EXD3: variants seen among roughly 807,000 people sequenced by gnomAD.
EXD3 encodes exonuclease 3'-5' domain containing 3.
In EXD3, 92 loss-of-function variants were observed where a neutral mutation model predicts 98.0. That is an observed-to-expected ratio of 0.94 (90% CI 0.79 to 1.12). The LOEUF (loss-of-function observed/expected upper bound fraction) is 1.12. Ranked by LOEUF, EXD3 falls within the 50% of genes most tolerant of loss-of-function variation. The probability of loss-of-function intolerance (pLI) is 0.00; values close to 1 mark genes in which losing one functional copy is unlikely to be tolerated. For missense variants in EXD3, 1,222 were observed against 1,191.6 expected, an observed-to-expected ratio of 1.03 and a Z score of -0.38; for synonymous variants, 569 against 526.0, an observed-to-expected ratio of 1.08 and a Z score of -1.12.
chr9:137,404,782 C>T (rs1307030079), intron 1 of EXD3, among the ~76,000 whole-genome samples: 1 of 152,076 alleles, frequency 6.6e-6, no homozygotes, highest in Non-Finnish European at 1.5e-5. Flanking sequence ...AATGCTTGAA[C>T]CCGGGAGGCA....
At chr9:137,355,346 T>G in intron 8 of EXD3, among the ~76,000 whole-genome samples, 1 of 151,498 alleles carries the variant, frequency 6.6e-6, no homozygotes. Context: ...GTGCCGACCT[T>G]TCAGGGCCCC....
intron 7 of EXD3, among the ~76,000 whole-genome samples, chr9:137,362,730 T>C (rs1588349930): frequency 6.6e-6 from 1 of 152,172 alleles, no homozygotes; most frequent in Non-Finnish European, 1.5e-5. Flanking sequence ...TTGTATATTC[T>C]GGATAACAGT....
chr9:137,396,306 TACG>T (rs1286586151), intron 1 of EXD3, among the ~76,000 whole-genome samples: 1 of 152,202 alleles, frequency 6.6e-6, no homozygotes, highest in Non-Finnish European at 1.5e-5. Flanking sequence ...TATCTACACT[TACG>T]AGGGTCACCC....
At chr9:137,315,644 C>T (rs918312389) in intron 19 of EXD3, among the ~76,000 whole-genome samples, 3 of 152,116 alleles carry the variant, frequency 2.0e-5, no homozygotes, top group Non-Finnish European at 4.4e-5. Flanking sequence ...GACACAAAGC[C>T]CCGTAGTGTG....
At chr9:137,400,703 T>G (rs1190962077) in intron 1 of EXD3, among the ~76,000 whole-genome samples, 1 of 150,810 alleles carries the variant, frequency 6.6e-6, no homozygotes, top group African/African-American at 2.4e-5. Flanking sequence ...AGGTGGAGGT[T>G]GCAATGAGCC....
chr9:137,352,896 C>G, intron 10 of EXD3, 110 bp from the exon 11 acceptor site: 1 of 1,451,560 alleles, frequency 6.9e-7, no homozygotes, highest in Non-Finnish European at 9.0e-7. Context: ...TATGAGCACT[C>G]GGGGAGGAGG....
intron 7 of EXD3, among the ~76,000 whole-genome samples, chr9:137,357,560 C>A (rs1834854332): frequency 6.6e-6 from 1 of 151,990 alleles, no homozygotes; most frequent in African/African-American, 2.4e-5. Flanking sequence ...TCTGAAAGCT[C>A]TTTCTGTGGG....
At chr9:137,328,541 G>A (rs1182468434) in intron 17 of EXD3, among the ~76,000 whole-genome samples, 1 of 150,234 alleles carries the variant, frequency 6.7e-6, no homozygotes, top group Non-Finnish European at 1.5e-5. Flanking sequence ...AAAACCAAAG[G>A]AAACGGGTCA....
At chr9:137,420,265 T>C (rs571039087) in intron 1 of EXD3, among the ~76,000 whole-genome samples, 1 of 152,352 alleles carries the variant, frequency 6.6e-6, no homozygotes, top group Admixed American at 6.5e-5. Flanking sequence ...GCTGACTCTT[T>C]TTATATTTTG....
At chr9:137,370,272 G>T (rs544414150) in intron 5 of EXD3, among the ~76,000 whole-genome samples, 35 of 152,348 alleles carry the variant, frequency 2.3e-4, no homozygotes, top group African/African-American at 8.2e-4. Context: ...GAACTTCCCT[G>T]AGAGGACGGT....
chr9:137,374,691 G>C, intron 3 of EXD3: 1 of 985,574 alleles, frequency 1.0e-6, no homozygotes, highest in Non-Finnish European at 1.2e-6. Context: ...GCAAAGTCCA[G>C]ACCCTCCAAA....
intron 3 of EXD3, among the ~76,000 whole-genome samples, 158 bp from the exon 4 acceptor site, chr9:137,373,757 C>A (rs370667028): frequency 6.6e-6 from 1 of 152,236 alleles, no homozygotes; most frequent in Non-Finnish European, 1.5e-5. Flanking sequence ...TTCATGCCGC[C>A]GTTCTGGTCC....
Position 137,362,482 on chromosome 9 carries a change from C to G in EXD3, c.656+4011G>C, listed in dbSNP as rs970285587. 5.3e-5 allele frequency among the ~76,000 whole-genome samples: 8 copies of G among 151,334 alleles called. 1 individual carries two copies. Among genetic ancestry groups the G allele is most frequent in the African/African-American group, 2.0e-4 (8 of 40,854 alleles). The stretch of plus-strand genomic sequence containing the variant: ...ATTCCTGATAAAAATTCTAAACAAA[C>G]TAAGCATAGAAAGGAACTTCCTCAT... On this transcript the variant is annotated intron_variant, in intron 7 of 21. Coordinates refer to ENST00000340951, the MANE Select transcript of EXD3 (RefSeq NM_017820.5).
At chr9:137,342,335 G>A (rs545411533) in intron 17 of EXD3, among the ~76,000 whole-genome samples, 7 of 132,826 alleles carry the variant, frequency 5.3e-5, no homozygotes, top group South Asian at 2.6e-4. Context: ...ACCAGGAGCC[G>A]TCTCCCAGGG....
chr9:137,350,818 G>A (rs1468140686), intron 14 of EXD3, among the ~76,000 whole-genome samples: 1 of 152,072 alleles, frequency 6.6e-6, no homozygotes, highest in African/African-American at 2.4e-5. Flanking sequence ...CGGCCCCACA[G>A]GGGCTCAGGG....
chr9:137,398,851 A>T (rs1465534724), intron 1 of EXD3, among the ~76,000 whole-genome samples: 22 of 138,480 alleles, frequency 1.6e-4, no homozygotes, highest in East Asian at 4.3e-4. Flanking sequence ...CGCATCCCCA[A>T]GACACACAGG....
At chr9:137,344,030 TAC>T (rs760525691) in intron 17 of EXD3, among the ~76,000 whole-genome samples, 26 of 150,752 alleles carry the variant, frequency 1.7e-4, no homozygotes, top group South Asian at 4.2e-4. Context: ...TAGCTGGGAC[TAC>T]AGGTGCCCGC....
intron 1 of EXD3, among the ~76,000 whole-genome samples, chr9:137,406,224 AAAAAGAAAAGAAAG>A (rs1228522460): frequency 6.8e-6 from 1 of 146,276 alleles, no homozygotes; most frequent in Non-Finnish European, 1.5e-5. Context: ...TCCAAAAAAG[AAAAAGAAAAGAAAG>A]AAAAGAAAAG....
rs1452717223 is a variant in EXD3 at position 137,347,248 on chromosome 9, G to A, written c.1998+823C>T. ...TCTCATGGCTGAAATCACAGTGTTC[G>A]CGACGGCAGGCTCCTCTTAGGAGAC... On this transcript the variant is annotated intron_variant, in intron 17 of 21. Transcript: ENST00000340951. The surrounding 1 kb of genome is among the most constrained non-coding windows in gnomAD (Gnocchi z 4.2). 3.3e-5 allele frequency among the ~76,000 whole-genome samples: 5 copies of A among 152,180 alleles called. No individual in the cohort carries two copies. Among genetic ancestry groups the A allele is most frequent in the South Asian group, 2.1e-4 (1 of 4,830 alleles).
Sources: gnomAD v4.1 joint callset for allele counts (sites outside exome capture counted in the v4.1 genomes callset) on GRCh38, gnomAD v4.1.1 for gene constraint, Gnocchi (gnomAD v3.1) non-coding constraint, MANE v1.5 for transcripts, NCBI Gene and HGNC (gene_info 2026-07-23, HGNC 2026-07-21) for gene names.